ESR1: variants seen among roughly 807,000 people sequenced by gnomAD.
ESR1 encodes the protein estrogen receptor 1, also known as estrogen receptor.
Under a neutral mutation model 52.7 loss-of-function variants are expected in ESR1, and 12 were observed. The observed-to-expected ratio is 0.23, with a 90% CI of 0.15 to 0.37. The LOEUF (loss-of-function observed/expected upper bound fraction) is 0.37, where lower values mean the gene tolerates loss of function less well. Ranked by LOEUF, ESR1 falls within the 10% of genes least tolerant of loss-of-function variation. The pLI, the probability that ESR1 is intolerant of heterozygous loss-of-function variation, is 1.00. For synonymous variants in ESR1, 305 were observed against 316.8 expected (o/e 0.96, Z 0.39); for missense variants, 584 against 779.7 (o/e 0.75, Z 2.99).
At chr6:152,023,128 G>A (rs1331373548) in intron 5 of ESR1, among the ~76,000 whole-genome samples, 1 of 151,854 alleles carries the variant, frequency 6.6e-6, no homozygotes, top group Non-Finnish European at 1.5e-5. Flanking sequence ...GAGGAAGGAG[G>A]AATAAAATGC....
At chr6:151,892,039 A>G (rs1794769363) in intron 3 of ESR1, among the ~76,000 whole-genome samples, 1 of 152,172 alleles carries the variant, frequency 6.6e-6, no homozygotes, top group South Asian at 2.1e-4. Flanking sequence ...TTGTTTTAAA[A>G]TGCCCATTCT....
At chr6:151,962,771 T>C (rs1257937298) in intron 4 of ESR1, among the ~76,000 whole-genome samples, 1 of 152,156 alleles carries the variant, frequency 6.6e-6, no homozygotes, top group African/African-American at 2.4e-5. Context: ...TTCAAGTTGG[T>C]TTTCTTTTAT....
At chr6:151,710,127 C>A (rs1307850593) in intron 2 of ESR1, among the ~76,000 whole-genome samples, 1 of 151,764 alleles carries the variant, frequency 6.6e-6, no homozygotes, top group East Asian at 1.9e-4. Context: ...GATTTTTTTT[C>A]TCTAAACCAC....
intron 1 of ESR1, among the ~76,000 whole-genome samples, chr6:151,809,904 A>G (rs79928358): frequency 4.4e-4 from 67 of 152,086 alleles, no homozygotes; most frequent in African/African-American, 1.6e-3. Flanking sequence ...AAGTACAGCG[A>G]TTAAGTCTAA....
At position 152,043,868 on chromosome 6, in the gene ESR1, T is replaced by G. The variant is rs2046006132; in HGVS notation, c.1236-17123T>G. Among the ~76,000 whole-genome samples, 3 of 152,194 alleles carry G rather than the reference T, an allele frequency of 2.0e-5. No individual in the cohort carries two copies. The South Asian group carries it at 6.2e-4, about 32-fold the overall frequency. On this transcript the variant is annotated intron_variant, in intron 5 of 7. Coordinates refer to ENST00000206249, the MANE Select transcript of ESR1 (RefSeq NM_000125.4). ...TTTAACAGTAAACACCTGGCAAGGC[T>G]GTGCACGTACCTTTCGTTGCAGGTC...
At chr6:151,762,747 T>C (rs1463902071) in intron 2 of ESR1, among the ~76,000 whole-genome samples, 1 of 152,130 alleles carries the variant, frequency 6.6e-6, no homozygotes, top group African/African-American at 2.4e-5. Context: ...GTGGATCACT[T>C]GAGGTCAGGG....
intron 1 of ESR1, among the ~76,000 whole-genome samples, chr6:151,835,382 A>G (rs572306546): frequency 2.4e-4 from 37 of 152,262 alleles, no homozygotes; most frequent in South Asian, 1.5e-3. Context: ...ATATCATCTG[A>G]GAATGGCAGA....
chr6:151,846,747 T>TGAAG (rs1172009210), intron 2 of ESR1, among the ~76,000 whole-genome samples: 1 of 152,146 alleles, frequency 6.6e-6, no homozygotes, highest in East Asian at 1.9e-4. Flanking sequence ...AAAAGCAAAG[T>TGAAG]GAAGGATGCT....
At chr6:151,954,052 G>A (rs543644940) in intron 4 of ESR1, among the ~76,000 whole-genome samples, 1 of 152,206 alleles carries the variant, frequency 6.6e-6, no homozygotes, top group African/African-American at 2.4e-5. Flanking sequence ...TTTCTTGCTA[G>A]CGTGAACTAA....
intron 3 of ESR1, among the ~76,000 whole-genome samples, chr6:151,888,074 A>G (rs190310151): frequency 6.6e-6 from 1 of 152,180 alleles, no homozygotes; most frequent in Admixed American, 6.5e-5. Context: ...CTATAGCTTT[A>G]TAGTATATTT....
Position 151,807,768 on chromosome 6 carries a change from G to T in ESR1, c.-145G>T. On this transcript the variant is annotated 5_prime_UTR_variant, in exon 1 of 8. Transcript: ENST00000206249. Reference sequence around the variant, plus strand: ...CGGACCCGCAGGCTCCCGGGGCAGGGCCGGGGCCAGAGCTCGCGTGTCGGC... The same window carrying T: ...CGGACCCGCAGGCTCCCGGGGCAGGTCCGGGGCCAGAGCTCGCGTGTCGGC... The T allele has an allele frequency of 2.4e-6, 2 of 823,038 alleles. 1 individual carries two copies. Among genetic ancestry groups the T allele is most frequent in the Non-Finnish European group, 4.0e-6 (2 of 501,206 alleles). 51.0% of individuals were successfully genotyped at this position (823,038 alleles called of 1,614,324 possible).
chr6:151,751,752 G>T (rs573520070), intron 2 of ESR1, among the ~76,000 whole-genome samples: 24 of 152,192 alleles, frequency 1.6e-4, no homozygotes, highest in African/African-American at 4.8e-4. Flanking sequence ...GATATAACTT[G>T]GTTCACAATA....
At chr6:151,914,331 T>C (rs1798718759) in intron 3 of ESR1, among the ~76,000 whole-genome samples, 1 of 152,212 alleles carries the variant, frequency 6.6e-6, no homozygotes, top group South Asian at 2.1e-4. Flanking sequence ...ATCTGCTTAT[T>C]GATTGAACCA....
intron 5 of ESR1, among the ~76,000 whole-genome samples, chr6:152,013,226 C>T (rs1237497767): frequency 1.3e-5 from 2 of 151,952 alleles, no homozygotes; most frequent in African/African-American, 4.8e-5. Context: ...CCTCTCTTTT[C>T]CTTTGCTTTC....
chr6:151,777,170 T>C (rs1009122676), intron 2 of ESR1, among the ~76,000 whole-genome samples: 1 of 150,018 alleles, frequency 6.7e-6, no homozygotes, highest in African/African-American at 2.5e-5. Flanking sequence ...CAGCCTAGAG[T>C]GTAGTAGTGT....
chr6:151,881,403 G>C (rs921977887), intron 3 of ESR1, among the ~76,000 whole-genome samples: 3 of 152,106 alleles, frequency 2.0e-5, no homozygotes, highest in African/African-American at 4.8e-5. Flanking sequence ...GGTCTTTGTG[G>C]CTGTGTGTGT....
intron 3 of ESR1, among the ~76,000 whole-genome samples, chr6:151,883,391 G>A (rs1334479374): frequency 6.6e-6 from 1 of 151,734 alleles, no homozygotes; most frequent in Non-Finnish European, 1.5e-5. Flanking sequence ...GCTTCCTAAA[G>A]TGCTGGGATT....
chr6:152,082,261 A>G (rs977861149), intron 6 of ESR1, among the ~76,000 whole-genome samples: 13 of 152,334 alleles, frequency 8.5e-5, no homozygotes, highest in African/African-American at 2.9e-4. Flanking sequence ...AAGCCTATCC[A>G]CCAAAACCAA....
intron 3 of ESR1, among the ~76,000 whole-genome samples, chr6:151,912,239 T>C (rs1798381359): frequency 6.6e-6 from 1 of 152,212 alleles, no homozygotes; most frequent in African/African-American, 2.4e-5. Flanking sequence ...GTATCTTACA[T>C]TATGTTTGGA....
Sources: gnomAD v4.1 joint callset for allele counts (sites outside exome capture counted in the v4.1 genomes callset) on GRCh38, gnomAD v4.1.1 for gene constraint, MANE v1.5 for transcripts, NCBI Gene and HGNC (gene_info 2026-07-23, HGNC 2026-07-21) for gene names.